Variants in POC1B observed in about 807,000 individuals in gnomAD.
POC1B encodes the protein POC1 centriolar protein B.
Under a neutral mutation model 60.6 loss-of-function variants are expected in POC1B, and 44 were observed. The ratio of observed to expected loss-of-function variants is 0.73; its 90% CI spans 0.57 to 0.93. The LOEUF (loss-of-function observed/expected upper bound fraction) is 0.93. Ranked by LOEUF, POC1B falls within the 40% of genes least tolerant of loss-of-function variation. The pLI is 0.00. For missense variants in POC1B, 555 were observed against 572.3 expected, an observed-to-expected ratio of 0.97 and a Z score of 0.31; for synonymous variants, 180 against 198.9, an observed-to-expected ratio of 0.90 and a Z score of 0.80.
At chr12:89,418,458 G>A (rs7978489), downstream of POC1B, among the ~76,000 whole-genome samples, 1,928 of 152,262 alleles carry the variant, frequency 0.013, 53 homozygotes, top group African/African-American at 0.044. Context: ...AACCACTGTG[G>A]CCCGCTGTGC....
At chr12:89,477,170 T>C (rs1396388647) in intron 4 of POC1B, among the ~76,000 whole-genome samples, 1 of 152,182 alleles carries the variant, frequency 6.6e-6, no homozygotes, top group Non-Finnish European at 1.5e-5. Flanking sequence ...TCTCAGAGTT[T>C]GCGCTGATAG....
At chr12:89,497,005 A>AG (rs1592627885) in intron 3 of POC1B, 166 bp downstream of exon 3, 8 of 682,652 alleles carry the variant, frequency 1.2e-5, no homozygotes, top group East Asian at 5.1e-5. Context: ...CATAATTTTG[A>AG]GGAAAAAAAT....
At chr12:89,414,690 C>A in the POC1B span, among the ~76,000 whole-genome samples, 1 of 152,202 alleles carries the variant, frequency 6.6e-6, no homozygotes, top group Non-Finnish European at 1.5e-5. Flanking sequence ...TAGAGACCCA[C>A]CTGTTTTTAT....
the POC1B span, among the ~76,000 whole-genome samples, chr12:89,412,067 A>G: frequency 1.3e-5 from 2 of 152,194 alleles, no homozygotes; most frequent in Non-Finnish European, 2.9e-5. Context: ...AAGCAAAGGG[A>G]TTTCCTCTGG....
chr12:89,468,359 T>C (rs1237156454), intron 7 of POC1B, among the ~76,000 whole-genome samples: 1 of 152,180 alleles, frequency 6.6e-6, no homozygotes, highest in East Asian at 1.9e-4. Flanking sequence ...ACAAGATGGA[T>C]AGCCTCTAGG....
chr12:89,495,059 G>A (rs1009039901), intron 3 of POC1B, among the ~76,000 whole-genome samples: 5 of 152,226 alleles, frequency 3.3e-5, no homozygotes, highest in East Asian at 1.9e-4. Flanking sequence ...CTTCCTTCCC[G>A]TTGCCACGAT....
At chr12:89,408,409 T>C in the POC1B span, among the ~76,000 whole-genome samples, 2 of 152,188 alleles carry the variant, frequency 1.3e-5, no homozygotes, top group Admixed American at 1.3e-4. Context: ...CTGAACTAAT[T>C]TACACTCCCA....
At chr12:89,518,086 CTTTT>C (rs79963225) in intron 2 of POC1B, among the ~76,000 whole-genome samples, 4 of 142,390 alleles carry the variant, frequency 2.8e-5, no homozygotes, top group East Asian at 2.0e-4. Context: ...TCTAATTTTC[CTTTT>C]TTTTTTTTTT....
At chr12:89,454,047 C>T (rs1188310353) in intron 10 of POC1B, among the ~76,000 whole-genome samples, 3 of 152,204 alleles carry the variant, frequency 2.0e-5, no homozygotes, top group Non-Finnish European at 4.4e-5. Flanking sequence ...AGGGAGTGTG[C>T]TTCCCAAAGT....
chr12:89,412,885 T>C, the POC1B span, among the ~76,000 whole-genome samples: 1 of 147,876 alleles, frequency 6.8e-6, no homozygotes, highest in Non-Finnish European at 1.5e-5. Flanking sequence ...CCTTCCTTAC[T>C]TCCTCCTTCC....
At chr12:89,501,100 T>C in intron 2 of POC1B, 1 of 1,232,384 alleles carries the variant, frequency 8.1e-7, no homozygotes, top group East Asian at 2.3e-5. Flanking sequence ...ACGCACCATA[T>C]CCCCGGCTGA....
chr12:89,459,951 T>C (rs1882421451), intron 9 of POC1B: 1 of 486,386 alleles, frequency 2.1e-6, no homozygotes, highest in African/African-American at 2.0e-5. Flanking sequence ...TAAAAGGTTT[T>C]CACTTTAGAA....
chr12:89,464,483 G>GGTT (rs1882599093), intron 9 of POC1B, among the ~76,000 whole-genome samples: 1 of 94,722 alleles, frequency 1.1e-5, no homozygotes, highest in Non-Finnish European at 1.9e-5. Flanking sequence ...TTTTATAAGA[G>GGTT]TTTTTTTTTT....
At chr12:89,456,357 AT>A (rs1882258354) in intron 10 of POC1B, among the ~76,000 whole-genome samples, 1 of 152,126 alleles carries the variant, frequency 6.6e-6, no homozygotes, top group Admixed American at 6.6e-5. Context: ...CAGGAAACAA[AT>A]TCGTATCTTG....
chr12:89,485,501 T>C lies in POC1B; in HGVS notation c.452+6435A>G, dbSNP rs114077950. 4.5e-3 allele frequency among the ~76,000 whole-genome samples: 688 copies of C among 152,334 alleles called. 6 individuals carry two copies. Among genetic ancestry groups the C allele is most frequent in the African/African-American group, 0.016 (650 of 41,570 alleles). On this transcript the variant is annotated intron_variant, in intron 4 of 11. Coordinates refer to ENST00000313546, the MANE Select transcript of POC1B (RefSeq NM_172240.3). The stretch of plus-strand genomic sequence containing the variant: ...AAGAACATTCCTTGAGGACGGCCTC[T>C]GCAGAGTTTCACATTAATCATTCAC...
intron 4 of POC1B, among the ~76,000 whole-genome samples, chr12:89,481,036 T>C (rs2135728067): frequency 6.8e-6 from 1 of 146,014 alleles, no homozygotes; most frequent in South Asian, 2.2e-4. Context: ...TGGCCCTAAT[T>C]GTCAGGGCCT....
chr12:89,431,421 A>G, intron 10 of POC1B, among the ~76,000 whole-genome samples: 1 of 149,542 alleles, frequency 6.7e-6, no homozygotes. Flanking sequence ...ATGTTCTGAG[A>G]TTTTTAAATC....
Position 89,448,099 on chromosome 12 carries a change from A to G in POC1B, c.1113+11539T>C, listed in dbSNP as rs551232946. On this transcript the variant is annotated intron_variant, in intron 10 of 11. Transcript: ENST00000313546. ...TTGAGCCTTGCCCCCAAGATTTCCA[A>G]CCCAACTAACTGAGGATATTTACCA... Among the ~76,000 whole-genome samples the G allele has an allele frequency of 8.1e-4, 124 of 152,152 alleles. 1 individual carries two copies. The highest frequency in any genetic ancestry group is 2.8e-3 in the African/African-American group (117 of 41,478).
intron 2 of POC1B, chr12:89,523,153 T>C (rs868006984): frequency 6.2e-7 from 1 of 1,613,532 alleles, no homozygotes; most frequent in South Asian, 1.1e-5. Context: ...ACCTGTGGGG[T>C]TGTTGTCAGG....
Sources: allele counts gnomAD v4.1 joint callset (sites outside exome capture counted in the v4.1 genomes callset), GRCh38; gene constraint gnomAD v4.1.1; transcripts MANE v1.5; gene names NCBI Gene and HGNC (gene_info 2026-07-23, HGNC 2026-07-21).